Variants in ABCB5 observed in about 807,000 individuals in gnomAD.
The protein encoded by ABCB5 is ATP-binding cassette sub-family B member 5.
A neutral mutation model predicts 144.2 loss-of-function variants in ABCB5; 155 were observed. The ratio of observed to expected loss-of-function variants is 1.08; its 90% CI spans 0.94 to 1.23. ABCB5 has a LOEUF of 1.23. Among genes scored for constraint, ABCB5 ranks in the 50% most tolerant of loss-of-function variants. ABCB5 has a pLI of 0.00. For missense variants in ABCB5, 1,830 were observed against 1,520.8 expected (o/e 1.20, Z -3.38); for synonymous variants, 610 against 528.6 (o/e 1.15, Z -2.11).
chr7:20,728,095 G>A (rs1364743712), intron 22 of ABCB5, among the ~76,000 whole-genome samples: 1 of 151,998 alleles, frequency 6.6e-6, no homozygotes, highest in East Asian at 1.9e-4. Flanking sequence ...GAACTAGAGA[G>A]TATATGACTA....
intron 20 of ABCB5, among the ~76,000 whole-genome samples, chr7:20,720,943 CAAAAAAA>C (rs71020677): frequency 0.011 from 804 of 71,084 alleles, 12 homozygotes; most frequent in African/African-American, 0.04. Flanking sequence ...AACTCTGCCT[CAAAAAAA>C]AAAAAAAAAA....
Position 20,745,287 on chromosome 7 carries a change from T to C in ABCB5, c.3278T>C (p.Ile1093Thr), listed in dbSNP as rs60197951. The change falls in exon 26 of 28, where the codon ATA (isoleucine) becomes ACA (threonine). Residue 1093 changes from isoleucine (I) to threonine (T), a missense_variant. Coordinates refer to ENST00000404938, the MANE Select transcript of ABCB5 (RefSeq NM_001163941.2). ...ELNVQWLRSQ[I>T]AIVPQEPVLF... Reference sequence around the variant, plus strand: ...AATGTACAGTGGCTCCGTTCCCAAATAGCAATCGTTCCTCAAGAGCCTGTG... The same window carrying C: ...AATGTACAGTGGCTCCGTTCCCAAACAGCAATCGTTCCTCAAGAGCCTGTG... The C allele has an allele frequency of 6.1e-3, 9,786 of 1,614,014 alleles. 179 individuals are homozygous for C. The highest frequency in any genetic ancestry group is 0.055 in the African/African-American group (4,147 of 75,010).
Position 20,704,719 on chromosome 7 carries a change from T to G in ABCB5, c.2338-5T>G. ...CAACCATATGTTAATTCTCCTTTTC[T>G]CTAGGATATTGCCTGGTTTGATGAA... On this transcript the variant is annotated splice_polypyrimidine_tract_variant and splice_region_variant and intron_variant, in intron 19 of 27. Coordinates refer to ENST00000404938, the MANE Select transcript of ABCB5 (RefSeq NM_001163941.2). 1 of 1,611,774 alleles carries G rather than the reference T, an allele frequency of 6.2e-7. No homozygotes were observed. The highest frequency in any genetic ancestry group is 8.5e-7 in the Non-Finnish European group (1 of 1,178,672).
chr7:20,715,109 A>AT (rs1167519267), intron 20 of ABCB5, among the ~76,000 whole-genome samples: 1 of 152,154 alleles, frequency 6.6e-6, no homozygotes, highest in Non-Finnish European at 1.5e-5. Flanking sequence ...CAGTGGCATG[A>AT]TCTCAACTCA....
intron 23 of ABCB5, among the ~76,000 whole-genome samples, chr7:20,735,421 G>A (rs1294483182): frequency 6.6e-6 from 1 of 152,184 alleles, no homozygotes; most frequent in African/African-American, 2.4e-5. Flanking sequence ...CTTTGCCCTA[G>A]GAGGCTGGGC....
At chr7:20,670,550 A>C (rs1785432425) in intron 14 of ABCB5, among the ~76,000 whole-genome samples, 1 of 152,226 alleles carries the variant, frequency 6.6e-6, no homozygotes, top group Non-Finnish European at 1.5e-5. Flanking sequence ...TACCATTCAT[A>C]AGGGTGTGCT....
intron 14 of ABCB5, chr7:20,659,497 A>T: frequency 9.6e-7 from 1 of 1,037,412 alleles, no homozygotes; most frequent in Middle Eastern, 4.7e-4. Context: ...GCTTCTTGAA[A>T]AATCTCTTAG....
chr7:20,670,958 T>A (rs1186690782), intron 14 of ABCB5, among the ~76,000 whole-genome samples: 1 of 152,074 alleles, frequency 6.6e-6, no homozygotes, highest in Non-Finnish European at 1.5e-5. Context: ...AAAAACCTGT[T>A]CCCCACGTAT....
intron 14 of ABCB5, chr7:20,659,768 C>T (rs1425870491): frequency 1.0e-6 from 1 of 985,426 alleles, no homozygotes. Flanking sequence ...AGTGCAACCT[C>T]TGCCCACTGT....
At chr7:20,719,729 C>A (rs939772733) in intron 20 of ABCB5, among the ~76,000 whole-genome samples, 1 of 152,002 alleles carries the variant, frequency 6.6e-6, no homozygotes, top group African/African-American at 2.4e-5. Context: ...GATGGGTTAC[C>A]CATGGAGAGA....
intron 26 of ABCB5, among the ~76,000 whole-genome samples, chr7:20,749,115 TTCTC>T (rs1347015287): frequency 6.6e-6 from 1 of 151,366 alleles, no homozygotes; most frequent in East Asian, 1.9e-4. Context: ...TTTTCTTCCT[TTCTC>T]TCTCTCTTTC....
Position 20,707,155 on chromosome 7 carries a change from T to C in ABCB5, c.2421+2348T>C, listed in dbSNP as rs1038722325. ...CATACTCATCTCAATTTCTTCATCA[T>C]GTAATTTCAGTTATATTTTATTCTA... On this transcript the variant is annotated intron_variant, in intron 20 of 27. Transcript: ENST00000404938. Among the ~76,000 whole-genome samples, 246 of 152,212 alleles carry C rather than the reference T, an allele frequency of 1.6e-3. 5 individuals are homozygous for C. The highest frequency in any genetic ancestry group is 0.016 in the Admixed American group (243 of 15,278).
Position 20,700,107 on chromosome 7 carries a change from A to T in ABCB5, c.2309A>T (p.His770Leu). 6.2e-7 allele frequency: 1 copy of T among 1,612,404 alleles called. No homozygotes were observed. The highest frequency in any genetic ancestry group is 8.5e-7 in the Non-Finnish European group (1 of 1,179,232). Reference sequence around the variant, plus strand: ...GAAATTTTAACGATGAGATTAAGACACTTGGCCTTCAAAGCCATGTTATAT... The same window carrying T: ...GAAATTTTAACGATGAGATTAAGACTCTTGGCCTTCAAAGCCATGTTATAT... ...AGEILTMRLRHLAFKAMLYQD... is the reference protein window; with the variant it reads ...AGEILTMRLRLLAFKAMLYQD... Residue 770 changes from histidine (H) to leucine (L), a missense_variant, in exon 19 of 28, where the codon CAC becomes CTC. By Grantham distance (99) the His-to-Leu change is moderately conservative. Transcript: ENST00000404938.
chr7:20,656,777 G>A (rs904366361), intron 13 of ABCB5, among the ~76,000 whole-genome samples: 1 of 151,874 alleles, frequency 6.6e-6, no homozygotes, highest in Non-Finnish European at 1.5e-5. Flanking sequence ...ATGAAAACAT[G>A]ACCACAAAAA....
rs773300727 is a variant in ABCB5, at chr7:20,745,276, C to T, written c.3267C>T (p.Leu1089=). Residue 1089 remains leucine (L), a synonymous_variant, in exon 26 of 28, where the codon CTC becomes CTT. Transcript: ENST00000404938. ...VDAKELNVQW[L]RSQIAIVPQE... ...CAAAAGAATTGAATGTACAGTGGCT[C>T]CGTTCCCAAATAGCAATCGTTCCTC... is the stretch of plus-strand genomic sequence containing the variant. The T allele has an allele frequency of 6.2e-7, 1 of 1,614,012 alleles. No homozygotes were observed. Among genetic ancestry groups the T allele is most frequent in the Non-Finnish European group, 8.5e-7 (1 of 1,179,902 alleles).
chr7:20,661,382 G>A (rs1784997176), intron 14 of ABCB5, among the ~76,000 whole-genome samples: 1 of 152,180 alleles, frequency 6.6e-6, no homozygotes, highest in Admixed American at 6.5e-5. Flanking sequence ...CTCTGGTGGT[G>A]AAGGCTTTGA....
chr7:20,718,511 C>T (rs1017704004), intron 20 of ABCB5, among the ~76,000 whole-genome samples: 1 of 151,874 alleles, frequency 6.6e-6, no homozygotes, highest in Admixed American at 6.6e-5. Context: ...TTTGAAATTT[C>T]CTTAGATGTT....
chr7:20,729,374 C>T (rs934021926), intron 23 of ABCB5, among the ~76,000 whole-genome samples: 6 of 152,100 alleles, frequency 3.9e-5, no homozygotes, highest in African/African-American at 1.2e-4. Flanking sequence ...TAAGACTGTA[C>T]ATCAGTGAGG....
chr7:20,647,441 C>T, intron 9 of ABCB5, 94 bp from the exon 10 acceptor site: 4 of 1,421,490 alleles, frequency 2.8e-6, no homozygotes, highest in Non-Finnish European at 3.7e-6. Flanking sequence ...TCTAATATCT[C>T]TCTGTGAGCC....
Sources: allele counts gnomAD v4.1 joint callset (sites outside exome capture counted in the v4.1 genomes callset), GRCh38; gene constraint gnomAD v4.1.1; transcripts MANE v1.5; gene names NCBI Gene and HGNC (gene_info 2026-07-23, HGNC 2026-07-21).